ACTN4: variants seen among roughly 807,000 people sequenced by gnomAD.
ACTN4 encodes the protein alpha-actinin-4.
A neutral mutation model predicts 114.2 loss-of-function variants in ACTN4; 18 were observed. That is an observed-to-expected ratio of 0.16 (90% CI 0.11 to 0.23). The LOEUF (loss-of-function observed/expected upper bound fraction) is 0.23. Among genes scored for constraint, ACTN4 ranks in the 10% least tolerant of loss-of-function variants. The pLI, the probability that ACTN4 is intolerant of heterozygous loss-of-function variation, is 1.00. For synonymous variants in ACTN4, 515 were observed against 506.3 expected (o/e 1.02, Z -0.23); for missense variants, 722 against 1,262.9 (o/e 0.57, Z 6.49).
chr19:38,662,244 G>T (rs1976909827), intron 1 of ACTN4, among the ~76,000 whole-genome samples: 1 of 152,196 alleles, frequency 6.6e-6, no homozygotes, highest in South Asian at 2.1e-4. Context: ...TACTCAAGGA[G>T]GGAGGAACAG....
chr19:38,716,025 C>T (rs1019597246), intron 9 of ACTN4, among the ~76,000 whole-genome samples: 1 of 152,196 alleles, frequency 6.6e-6, no homozygotes, highest in African/African-American at 2.4e-5. Context: ...CCTCAGCCTC[C>T]CAAGTAGCTG....
intron 12 of ACTN4, chr19:38,721,956 C>T: frequency 1.9e-6 from 1 of 539,840 alleles, no homozygotes; most frequent in Non-Finnish European, 3.4e-6. Context: ...ATTCTTCAGG[C>T]TTTAGGGGTC....
chr19:38,726,828 C>G, intron 17 of ACTN4, 129 bp from the exon 18 acceptor site: 1 of 1,402,698 alleles, frequency 7.1e-7, no homozygotes. Context: ...CCCGTGTCCC[C>G]TGTGAGGTGT....
rs141823241 is a variant in ACTN4 at position 38,663,237 on chromosome 19, T to G, written c.162+15330T>G. ...CATTTTATAGCCAACCGGCTTCTTG[T>G]GTAACATGAGTTGGGGCTTCTTGGG... is the stretch of plus-strand genomic sequence containing the variant. On this transcript the variant is annotated intron_variant, in intron 1 of 20. Coordinates refer to ENST00000252699, the MANE Select transcript of ACTN4 (RefSeq NM_004924.6). Among the ~76,000 whole-genome samples the G allele has an allele frequency of 3.9e-3, 596 of 152,238 alleles. 4 individuals carry two copies. The highest frequency in any genetic ancestry group is 0.014 in the African/African-American group (563 of 41,540).
At chr19:38,692,506 C>T (rs915879553) in intron 1 of ACTN4, among the ~76,000 whole-genome samples, 19 of 152,252 alleles carry the variant, frequency 1.2e-4, no homozygotes, top group Admixed American at 1.2e-3. Flanking sequence ...CCAGAGGCTC[C>T]ACGGGCCCCC....
At chr19:38,673,816 T>G (rs1222724495) in intron 1 of ACTN4, among the ~76,000 whole-genome samples, 1 of 133,462 alleles carries the variant, frequency 7.5e-6, no homozygotes, top group Non-Finnish European at 1.6e-5. Flanking sequence ...TGATGGAGTC[T>G]CTATCACCCA....
intron 1 of ACTN4, among the ~76,000 whole-genome samples, chr19:38,680,212 GTTTTTTTTTTT>G (rs75920199): frequency 0.071 from 8,825 of 124,128 alleles, 401 homozygotes; most frequent in South Asian, 0.12. Context: ...AGCTCAGGAA[GTTTTTTTTTTT>G]TTTTTTTTTT....
chr19:38,657,749 A>G (rs769430405), intron 1 of ACTN4, among the ~76,000 whole-genome samples: 69 of 152,108 alleles, frequency 4.5e-4, no homozygotes, highest in Non-Finnish European at 7.9e-4. Flanking sequence ...GCATCTGGAC[A>G]TGCTGGGAAG....
intron 1 of ACTN4, among the ~76,000 whole-genome samples, chr19:38,664,168 A>G (rs535333051): frequency 6.6e-6 from 1 of 152,208 alleles, no homozygotes; most frequent in East Asian, 1.9e-4. Context: ...TGCTGCCTTC[A>G]GTTTATTCCT....
chr19:38,723,581 G>A (rs1969119875), intron 12 of ACTN4, 33 bp from the exon 13 acceptor site: 1 of 1,528,988 alleles, frequency 6.5e-7, no homozygotes, highest in African/African-American at 1.4e-5. Flanking sequence ...ACTTGCCCTT[G>A]CCGAGTCTCA....
intron 12 of ACTN4, among the ~76,000 whole-genome samples, chr19:38,722,604 G>A (rs533571940): frequency 2.6e-5 from 4 of 152,318 alleles, no homozygotes; most frequent in South Asian, 2.1e-4. Flanking sequence ...CAAGAGTCCC[G>A]TGGGGCCATC....
chr19:38,730,832 G>C lies in ACTN4; in HGVS notation c.*1400G>C. The C allele has an allele frequency of 6.4e-7, 1 of 1,550,750 alleles. No homozygotes were observed. The highest frequency in any genetic ancestry group is 2.4e-5 in the East Asian group (1 of 40,984). On this transcript the variant is annotated 3_prime_UTR_variant, in exon 21 of 21. Coordinates refer to ENST00000252699, the MANE Select transcript of ACTN4 (RefSeq NM_004924.6). ...CTCAGCAACCCTGCCCTGAGCAGCA[G>C]GTGCGCCCATCCGGAGATCCTAGGA...
At chr19:38,713,250 T>C (rs963229153) in intron 8 of ACTN4, among the ~76,000 whole-genome samples, 12 of 152,222 alleles carry the variant, frequency 7.9e-5, no homozygotes, top group African/African-American at 2.7e-4. Context: ...TCAGCAACCC[T>C]GAACACCGCC....
chr19:38,647,955 G>T, intron 1 of ACTN4, 48 bp downstream of exon 1: 2 of 1,400,750 alleles, frequency 1.4e-6, no homozygotes. Context: ...TTCTGAGGGG[G>T]CCCGGGGAGG....
rs575675032 is a variant in ACTN4, at chr19:38,703,759, G to A, written c.398-1175G>A. Among the ~76,000 whole-genome samples the A allele has an allele frequency of 6.6e-5, 10 of 152,216 alleles. No homozygotes were observed. In the South Asian group the frequency reaches 2.1e-3, roughly 32 times the overall value. ...ATGTGATTTCACTAGTGATGCCTTG[G>A]GGCAGCACAGGGGCCAGGGAGAGGA... On this transcript the variant is annotated intron_variant, in intron 3 of 20. Transcript: ENST00000252699.
chr19:38,655,812 T>A (rs1976695928), intron 1 of ACTN4, among the ~76,000 whole-genome samples: 1 of 152,220 alleles, frequency 6.6e-6, no homozygotes, highest in Admixed American at 6.5e-5. Context: ...TAAAACGATG[T>A]GTAATTTGCA....
At chr19:38,693,291 C>T (rs1967990484) in intron 1 of ACTN4, among the ~76,000 whole-genome samples, 1 of 152,184 alleles carries the variant, frequency 6.6e-6, no homozygotes, top group African/African-American at 2.4e-5. Flanking sequence ...AGGGATCGCT[C>T]GAGCCTATTT....
At chr19:38,698,873 T>TC (rs991965991) in intron 1 of ACTN4, among the ~76,000 whole-genome samples, 2 of 152,188 alleles carry the variant, frequency 1.3e-5, no homozygotes, top group Admixed American at 1.3e-4. Flanking sequence ...GGGCTTTGTG[T>TC]CGAGTCTCCC....
rs576448550 is a variant in ACTN4 at position 38,724,223 on chromosome 19, A to G, written c.1759A>G (p.Ile587Val). 5.0e-6 allele frequency: 8 copies of G among 1,613,922 alleles called. No individual in the cohort carries two copies. In the South Asian group the frequency reaches 7.7e-5, roughly 16 times the overall value. ...LPDADREREA[I>V]LAIHKEAQRI... is the part of the protein sequence containing the mutation. Reference sequence around the variant, plus strand: ...GGACGCCGATAGGGAGCGCGAGGCCATCCTGGCCATCCACAAGGAGGCCCA... The same window carrying G: ...GGACGCCGATAGGGAGCGCGAGGCCGTCCTGGCCATCCACAAGGAGGCCCA... Residue 587 changes from isoleucine to valine, a missense_variant, in exon 15 of 21, where the codon ATC becomes GTC. Physicochemically the swap from Ile to Val is conservative, Grantham distance 29. Transcript: ENST00000252699. The surrounding 1 kb of genome is among the most constrained non-coding windows in gnomAD (Gnocchi z 7.0).
Sources: allele counts gnomAD v4.1 joint callset (sites outside exome capture counted in the v4.1 genomes callset), GRCh38; gene constraint gnomAD v4.1.1; non-coding constraint Gnocchi (gnomAD v3.1); transcripts MANE v1.5; gene names NCBI Gene and HGNC (gene_info 2026-07-23, HGNC 2026-07-21).